The following MTHFSD variants were observed in gnomAD, a reference collection of about 807,000 sequenced individuals.
MTHFSD encodes methenyltetrahydrofolate synthase domain-containing protein.
In MTHFSD, 37 loss-of-function variants were observed where a neutral mutation model predicts 31.1. The ratio of observed to expected loss-of-function variants is 1.19; its 90% confidence interval spans 0.91 to 1.56. The LOEUF is 1.56. Ranked by LOEUF, MTHFSD falls within the 40% of genes most tolerant of loss-of-function variation. The pLI, the probability that MTHFSD is intolerant of heterozygous loss-of-function variation, is 0.00. For synonymous variants in MTHFSD, 221 were observed against 206.9 expected (o/e 1.07, Z -0.59); for missense variants, 664 against 510.1 (o/e 1.30, Z -2.91).
chr16:86,539,333 C>G (rs1971155882), intron 7 of MTHFSD, among the ~76,000 whole-genome samples: 1 of 152,210 alleles, frequency 6.6e-6, no homozygotes, highest in African/African-American at 2.4e-5. Flanking sequence ...AAGGACCATC[C>G]TAAGAATTCT....
intron 7 of MTHFSD, among the ~76,000 whole-genome samples, chr16:86,536,708 A>G (rs888642506): frequency 6.6e-6 from 1 of 152,260 alleles, no homozygotes; most frequent in Admixed American, 6.5e-5. Context: ...CTTAAAACTG[A>G]CGCTGCGAAA....
rs1409255734 is a variant in MTHFSD at position 86,531,706 on chromosome 16, C to T, written c.*305G>A. ...TCACCCTCCCCTGCTTAGCCACTCACTCAGTCCCTGGCCCCTCTGCTCTGT... is the reference window on the plus strand; with the variant it reads ...TCACCCTCCCCTGCTTAGCCACTCATTCAGTCCCTGGCCCCTCTGCTCTGT... On this transcript the variant is annotated 3_prime_UTR_variant, in exon 8 of 8. Coordinates refer to ENST00000360900, the MANE Select transcript of MTHFSD (RefSeq NM_001159377.2). The surrounding 1 kb of genome is among the most constrained non-coding windows in gnomAD (Gnocchi z 5.5). The T allele has an allele frequency of 2.0e-5, 5 of 253,062 alleles. No individual in the cohort carries two copies. The highest frequency in any genetic ancestry group is 1.7e-4 in the South Asian group (1 of 5,838). 15.7% of individuals were successfully genotyped at this position (253,062 alleles called of 1,614,324 possible).
rs1431140902 is a variant in MTHFSD at position 86,552,080 on chromosome 16, C to CT, written c.189dup (p.Val64SerfsTer4). ...CCTTCCAGTGGTTTATCAGGGTCCACTTTAACTTCCTGTGTTCTGGCAAAA... is the reference window on the plus strand; with the variant it reads ...CCTTCCAGTGGTTTATCAGGGTCCACTTTTAACTTCCTGTGTTCTGGCAAAA... On this transcript the variant is annotated frameshift_variant, in exon 3 of 8. Coordinates refer to ENST00000360900, the MANE Select transcript of MTHFSD (RefSeq NM_001159377.2). LOFTEE classifies it high-confidence loss of function. The CT allele has an allele frequency of 6.2e-7, 1 of 1,614,086 alleles. No homozygotes were observed. The highest frequency in any genetic ancestry group is 1.3e-5 in the African/African-American group (1 of 74,914).
chr16:86,543,344 G>A (rs1316677970), intron 5 of MTHFSD, among the ~76,000 whole-genome samples: 2 of 152,172 alleles, frequency 1.3e-5, no homozygotes, highest in Non-Finnish European at 2.9e-5. Flanking sequence ...CATCAAGGCT[G>A]ACAATCCACC....
At chr16:86,554,508 G>A (rs556730855) in intron 2 of MTHFSD, 137 bp downstream of exon 2, 2 of 706,922 alleles carry the variant, frequency 2.8e-6, no homozygotes, top group Admixed American at 2.4e-5. Flanking sequence ...CTGGCCAAAT[G>A]GCTTTGATTT....
intron 5 of MTHFSD, among the ~76,000 whole-genome samples, chr16:86,545,571 C>A (rs2143707270): frequency 6.6e-6 from 1 of 152,210 alleles, no homozygotes; most frequent in East Asian, 1.9e-4. Flanking sequence ...ACCCTTCAGT[C>A]CCCTCTGCCT....
intron 7 of MTHFSD, among the ~76,000 whole-genome samples, chr16:86,534,348 T>C (rs936477416): frequency 6.6e-6 from 1 of 152,222 alleles, no homozygotes; most frequent in African/African-American, 2.4e-5. Flanking sequence ...AGGAGCTCCC[T>C]GTGATGTGCA....
rs1008433250 is a variant in MTHFSD at position 86,548,195 on chromosome 16, C to T, written c.351+269G>A. The T allele has an allele frequency of 4.5e-6, 5 of 1,110,482 alleles. No homozygotes were observed. The African/African-American group carries it at 8.0e-5, about 18-fold the overall frequency. The allele number at this position is 1,110,482 out of a possible 1,614,324, so 68.8% of individuals were successfully genotyped here. The stretch of plus-strand genomic sequence containing the variant: ...ACCGGGCAGTGCCAGAGAACCAGAT[C>T]ACCCGTCTTCCCTTTTCTTACAATA... On this transcript the variant is annotated intron_variant, in intron 4 of 7. Coordinates refer to ENST00000360900, the MANE Select transcript of MTHFSD (RefSeq NM_001159377.2).
intron 7 of MTHFSD, chr16:86,533,541 G>A (rs1459627774): frequency 1.3e-5 from 2 of 152,180 alleles, no homozygotes; most frequent in Admixed American, 1.3e-4. Context: ...CAGCACATGA[G>A]CTAGACAACT....
chr16:86,548,041 C>A, intron 4 of MTHFSD: 1 of 1,289,458 alleles, frequency 7.8e-7, no homozygotes. Flanking sequence ...TCACTTAGAA[C>A]TGGTGAGGCA....
intron 2 of MTHFSD, 23 bp from the exon 3 acceptor site, chr16:86,552,169 T>A: frequency 1.9e-6 from 3 of 1,614,110 alleles, no homozygotes; most frequent in South Asian, 1.1e-5. Context: ...ATAGACAGAG[T>A]TGCACTTACT....
rs188482157 is a variant in MTHFSD at position 86,542,913 on chromosome 16, G to A, written c.443-700C>T. On this transcript the variant is annotated intron_variant, in intron 5 of 7. Coordinates refer to ENST00000360900, the MANE Select transcript of MTHFSD (RefSeq NM_001159377.2). This position sits in a 1 kb window ranked among gnomAD's most constrained non-coding sequence, Gnocchi z 4.6. ...GCCCCCATGGAGAAGCTACAATTCC[G>A]CTTATGAGAAGCCTGAGGCACTTCA... 1.4e-4 allele frequency among the ~76,000 whole-genome samples: 22 copies of A among 152,168 alleles called. 1 individual carries two copies. Among genetic ancestry groups the A allele is most frequent in the Middle Eastern group, 6.8e-3 (2 of 294 alleles).
At chr16:86,536,835 T>C (rs560018131) in intron 7 of MTHFSD, among the ~76,000 whole-genome samples, 1 of 152,360 alleles carries the variant, frequency 6.6e-6, no homozygotes, top group African/African-American at 2.4e-5. Flanking sequence ...CAGCAGCTCC[T>C]GTCTCACTTC....
chr16:86,545,898 G>T lies in MTHFSD; in HGVS notation c.442+661C>A, dbSNP rs551453359. Among the ~76,000 whole-genome samples the T allele has an allele frequency of 7.2e-4, 110 of 152,356 alleles. 1 individual carries two copies. The South Asian group carries it at 0.022, about 31-fold the overall frequency. ...AAACTGGGAATGCACTGAAAGCAAA[G>T]AATAAAGAACAATGTCCCCACATCA... is the stretch of plus-strand genomic sequence containing the variant. On this transcript the variant is annotated intron_variant, in intron 5 of 7. Transcript: ENST00000360900.
At chr16:86,535,564 C>T (rs1225323045) in intron 7 of MTHFSD, 5 of 958,862 alleles carry the variant, frequency 5.2e-6, no homozygotes, top group Non-Finnish European at 6.2e-6. Flanking sequence ...CATGAGAAAA[C>T]ATTTTTGCCT....
chr16:86,535,525 G>A lies in MTHFSD; in HGVS notation c.682-3044C>T, dbSNP rs73270575. On this transcript the variant is annotated intron_variant, in intron 7 of 7. Coordinates refer to ENST00000360900, the MANE Select transcript of MTHFSD (RefSeq NM_001159377.2). ...GTTACATTCTGTCAATCTGGCATGTGAAGTGAAAAATTATGCTTGTTACTC... is the reference window on the plus strand; with the variant it reads ...GTTACATTCTGTCAATCTGGCATGTAAAGTGAAAAATTATGCTTGTTACTC... 849 of 985,294 alleles carry A rather than the reference G, an allele frequency of 8.6e-4. 6 individuals carry two copies. In the African/African-American group the frequency reaches 0.014, roughly 16 times the overall value. The allele number at this position is 985,294 out of a possible 1,614,324, so 61.0% of individuals were successfully genotyped here.
chr16:86,552,100 G>A lies in MTHFSD; in HGVS notation c.170C>T (p.Ala57Val), dbSNP rs544568797. Residue 57 changes from alanine to valine, a missense_variant, in exon 3 of 8, where the codon GCC becomes GTC. Physicochemically the swap from Ala to Val is moderately conservative, Grantham distance 64. Transcript: ENST00000360900. ...GTCCACTTTAACTTCCTGTGTTCTGGCAAAAACGTCTAGGTCTTTGATGTT... is the reference window on the plus strand; with the variant it reads ...GTCCACTTTAACTTCCTGTGTTCTGACAAAAACGTCTAGGTCTTTGATGTT... ...CQNIKDLDVF[A>V]RTQEVKVDPD... 1.9e-6 allele frequency: 3 copies of A among 1,614,150 alleles called. No individual in the cohort carries two copies. Among genetic ancestry groups the A allele is most frequent in the Non-Finnish European group, 2.5e-6 (3 of 1,180,030 alleles).
At chr16:86,541,392 TG>T in intron 7 of MTHFSD, 2 of 562,934 alleles carry the variant, frequency 3.6e-6, no homozygotes, top group Non-Finnish European at 5.7e-6. Context: ...CTCTTAAAAA[TG>T]AAAAACAGGG....
At chr16:86,553,311 C>G (rs967110635) in intron 2 of MTHFSD, 1 of 152,398 alleles carries the variant, frequency 6.6e-6, no homozygotes. Flanking sequence ...GGCGCCTCCT[C>G]GGCCTTGGCG....
Sources: allele counts gnomAD v4.1 joint callset (sites outside exome capture counted in the v4.1 genomes callset), GRCh38; gene constraint gnomAD v4.1.1; non-coding constraint Gnocchi (gnomAD v3.1); transcripts MANE v1.5; gene names NCBI Gene and HGNC (gene_info 2026-07-23, HGNC 2026-07-21).